The following RAB3C variants were observed in gnomAD, a reference collection of about 807,000 sequenced individuals.
RAB3C encodes RAB3C, member RAS oncogene family.
RAB3C carries 17 observed loss-of-function variants against 26.4 expected under a neutral mutation model. The ratio of observed to expected loss-of-function variants is 0.64; its 90% CI spans 0.44 to 0.97. RAB3C has a LOEUF of 0.97. RAB3C is among the 50% of genes least tolerant of loss of function. The pLI is 0.00. For synonymous variants in RAB3C, 91 were observed against 95.9 expected (o/e 0.95, Z 0.30); for missense variants, 242 against 281.9 (o/e 0.86, Z 1.01).
intron 3 of RAB3C, among the ~76,000 whole-genome samples, chr5:58,746,752 A>T (rs1381781786): frequency 1.3e-5 from 2 of 152,250 alleles, no homozygotes; most frequent in East Asian, 1.9e-4. Flanking sequence ...AGTTTCACAA[A>T]GTTGTTTTGC....
chr5:58,682,458 G>C (rs150194418), intron 2 of RAB3C, among the ~76,000 whole-genome samples: 227 of 152,268 alleles, frequency 1.5e-3, no homozygotes, highest in African/African-American at 5.2e-3. Context: ...GCTGAGGCAG[G>C]TGGATCATGG....
chr5:58,683,535 A>G (rs541529816), intron 2 of RAB3C, among the ~76,000 whole-genome samples: 2 of 152,304 alleles, frequency 1.3e-5, no homozygotes, highest in East Asian at 3.9e-4. Context: ...CCACAAGCTT[A>G]ATGGCTTAAA....
intron 2 of RAB3C, among the ~76,000 whole-genome samples, chr5:58,690,910 T>C (rs1748557521): frequency 6.6e-6 from 1 of 152,178 alleles, no homozygotes; most frequent in African/African-American, 2.4e-5. Flanking sequence ...ATAAATCCAG[T>C]TACCACATTT....
At chr5:58,788,624 A>G (rs982135593) in intron 3 of RAB3C, among the ~76,000 whole-genome samples, 1 of 152,232 alleles carries the variant, frequency 6.6e-6, no homozygotes, top group Non-Finnish European at 1.5e-5. Context: ...TGAGTAAAAT[A>G]TGCATTTCAA....
At chr5:58,700,686 T>A (rs765157408) in intron 2 of RAB3C, among the ~76,000 whole-genome samples, 1 of 152,236 alleles carries the variant, frequency 6.6e-6, no homozygotes, top group Non-Finnish European at 1.5e-5. Flanking sequence ...TATTTCCCTG[T>A]GAAGTTTTTT....
chr5:58,822,982 A>C, intron 3 of RAB3C: 1 of 621,292 alleles, frequency 1.6e-6, no homozygotes, highest in Non-Finnish European at 3.1e-6. Flanking sequence ...CTGGCAATAA[A>C]GTTTTTGGGG....
At chr5:58,596,632 T>C (rs1241269128) in intron 1 of RAB3C, among the ~76,000 whole-genome samples, 2 of 96,078 alleles carry the variant, frequency 2.1e-5, no homozygotes, top group African/African-American at 9.0e-5. Context: ...TAATACATAA[T>C]ATATAAATAT....
rs1467081673 is a variant in RAB3C, at chr5:58,627,511, A to C, written c.252+9641A>C. Among the ~76,000 whole-genome samples, 116 of 77,610 alleles carry C rather than the reference A, an allele frequency of 1.5e-3. 15 individuals are homozygous for C. The highest frequency in any genetic ancestry group is 5.8e-3 in the Middle Eastern group (1 of 172). The allele number at this position is 77,610 out of a possible 152,430, so 50.9% of individuals were successfully genotyped here. On this transcript the variant is annotated intron_variant, in intron 2 of 4. Coordinates refer to ENST00000282878, the MANE Select transcript of RAB3C (RefSeq NM_138453.4). ...AAAAAAAAAAAAAAAAAAAAAAAAA[A>C]AAAAAAAACACAGCTTAAATTCGGT...
At chr5:58,656,778 G>A (rs559795766) in intron 2 of RAB3C, among the ~76,000 whole-genome samples, 13 of 152,268 alleles carry the variant, frequency 8.5e-5, no homozygotes, top group African/African-American at 2.4e-4. Context: ...GTCAGGGCTC[G>A]ACTGGTGGGA....
intron 2 of RAB3C, among the ~76,000 whole-genome samples, chr5:58,715,363 A>G (rs1229011963): frequency 6.6e-6 from 1 of 151,552 alleles, no homozygotes; most frequent in Non-Finnish European, 1.5e-5. Flanking sequence ...ATCTTAGGTG[A>G]TTTTTTTTCT....
At chr5:58,834,452 G>A (rs1211824414) in intron 4 of RAB3C, among the ~76,000 whole-genome samples, 1 of 152,198 alleles carries the variant, frequency 6.6e-6, no homozygotes, top group Non-Finnish European at 1.5e-5. Context: ...ACTCTAATGA[G>A]GTTAACATTG....
chr5:58,837,557 C>CTTTTTT (rs36020735), intron 4 of RAB3C, among the ~76,000 whole-genome samples: 1 of 118,892 alleles, frequency 8.4e-6, no homozygotes. Context: ...TTCAGTCTCT[C>CTTTTTT]TTTTTTTTTT....
chr5:58,819,680 G>T (rs1370418562), intron 3 of RAB3C, among the ~76,000 whole-genome samples: 1 of 151,910 alleles, frequency 6.6e-6, no homozygotes, highest in African/African-American at 2.4e-5. Context: ...TTCAAGACCA[G>T]CCTAGCCAAC....
chr5:58,844,882 G>C (rs1037078401), intron 4 of RAB3C, among the ~76,000 whole-genome samples: 4 of 152,116 alleles, frequency 2.6e-5, no homozygotes, highest in African/African-American at 9.7e-5. Flanking sequence ...ATGTTTCCCT[G>C]GGGTTAAAAA....
chr5:58,705,753 T>C (rs1748930743), intron 2 of RAB3C, among the ~76,000 whole-genome samples: 2 of 152,194 alleles, frequency 1.3e-5, no homozygotes, highest in Non-Finnish European at 2.9e-5. Flanking sequence ...CTCCCTCTCT[T>C]CATCCCTCCC....
At chr5:58,607,124 G>A (rs1201258400) in intron 1 of RAB3C, among the ~76,000 whole-genome samples, 1 of 152,150 alleles carries the variant, frequency 6.6e-6, no homozygotes, top group African/African-American at 2.4e-5. Flanking sequence ...TGAGCTAAAC[G>A]AGCATGTTCT....
At chr5:58,690,793 G>T (rs1748555465) in intron 2 of RAB3C, among the ~76,000 whole-genome samples, 1 of 152,162 alleles carries the variant, frequency 6.6e-6, no homozygotes, top group South Asian at 2.1e-4. Flanking sequence ...AGGCATGAAA[G>T]ATGAAAGCAG....
chr5:58,646,655 A>C (rs1305785214), intron 2 of RAB3C, among the ~76,000 whole-genome samples: 1 of 152,016 alleles, frequency 6.6e-6, no homozygotes, highest in Non-Finnish European at 1.5e-5. Flanking sequence ...CAGGGCACAC[A>C]GTGAAAATAG....
intron 2 of RAB3C, among the ~76,000 whole-genome samples, chr5:58,680,655 C>T (rs978709395): frequency 1.3e-5 from 2 of 152,176 alleles, no homozygotes; most frequent in Non-Finnish European, 2.9e-5. Context: ...GGACAGGTTT[C>T]CTTGTGTTTA....
Sources: gnomAD v4.1 joint callset for allele counts (sites outside exome capture counted in the v4.1 genomes callset) on GRCh38, gnomAD v4.1.1 for gene constraint, MANE v1.5 for transcripts, NCBI Gene and HGNC (gene_info 2026-07-23, HGNC 2026-07-21) for gene names.